BCAS3: variants seen among roughly 807,000 people sequenced by gnomAD.
BCAS3 encodes the protein BCAS3 microtubule associated cell migration factor.
Under a neutral mutation model 116.1 loss-of-function variants are expected in BCAS3, and 53 were observed. The observed-to-expected ratio is 0.46, with a 90% CI of 0.37 to 0.57. BCAS3 has a LOEUF of 0.57. BCAS3 is among the 20% of genes least tolerant of loss of function. The pLI, the probability that BCAS3 is intolerant of heterozygous loss-of-function variation, is 0.00. For missense variants in BCAS3, 917 were observed against 1,165.4 expected (o/e 0.79, Z 3.10); for synonymous variants, 391 against 408.2 (o/e 0.96, Z 0.51).
chr17:60,683,429 T>C (rs1006688076), intron 2 of BCAS3, among the ~76,000 whole-genome samples: 1 of 150,294 alleles, frequency 6.7e-6, no homozygotes, highest in Non-Finnish European at 1.5e-5. Context: ...AAAGCCCATT[T>C]ACATTTAATA....
At chr17:60,902,156 T>C (rs918029692) in intron 10 of BCAS3, among the ~76,000 whole-genome samples, 21 of 152,228 alleles carry the variant, frequency 1.4e-4, no homozygotes, top group African/African-American at 5.1e-4. Context: ...ACTGACACAA[T>C]TGAAAATATA....
At chr17:60,830,241 A>G (rs2144720048) in intron 7 of BCAS3, among the ~76,000 whole-genome samples, 1 of 152,292 alleles carries the variant, frequency 6.6e-6, no homozygotes, top group African/African-American at 2.4e-5. Context: ...TGCCCACCTC[A>G]GCCTCCCAAA....
At chr17:60,695,095 T>C (rs1446787247) in intron 4 of BCAS3, among the ~76,000 whole-genome samples, 1 of 151,984 alleles carries the variant, frequency 6.6e-6, no homozygotes, top group Non-Finnish European at 1.5e-5. Flanking sequence ...GGCTGAATCA[T>C]GCTTCATTGT....
intron 14 of BCAS3, among the ~76,000 whole-genome samples, chr17:60,970,343 A>G (rs1213007622): frequency 1.3e-5 from 2 of 152,168 alleles, no homozygotes; most frequent in Admixed American, 6.5e-5. Flanking sequence ...GCACAAGAAA[A>G]AGAGGGATAA....
rs1442126408 is a variant in BCAS3, at chr17:60,888,960, A to C, written c.662-735A>C. On this transcript the variant is annotated intron_variant, in intron 9 of 23. Transcript: ENST00000407086. The stretch of plus-strand genomic sequence containing the variant: ...AGTGCTTTTGAGCATAGCAATAGGA[A>C]CATAGTCAGAATGACTAGGGAGTGG... Among the ~76,000 whole-genome samples the C allele has an allele frequency of 3.9e-5, 6 of 152,208 alleles. No individual in the cohort carries two copies. In the East Asian group the frequency reaches 1.2e-3, roughly 29 times the overall value.
At chr17:60,805,860 T>G (rs1392191867) in intron 6 of BCAS3, among the ~76,000 whole-genome samples, 2 of 147,450 alleles carry the variant, frequency 1.4e-5, no homozygotes, top group African/African-American at 5.0e-5. Flanking sequence ...AGCCTAAGTT[T>G]TTTTTTTTTT....
rs1016610824 is a variant in BCAS3, at chr17:61,282,124, G to C, written c.2426-86203G>C. On this transcript the variant is annotated intron_variant, in intron 22 of 23. Transcript: ENST00000407086. The surrounding 1 kb of genome is among the most constrained non-coding windows in gnomAD (Gnocchi z 5.9). ...AAGATCAAGTGAATTTAATATATGA[G>C]AAAGTCCTTTTTAAAGTATAAAGAA... is the stretch of plus-strand genomic sequence containing the variant. Among the ~76,000 whole-genome samples, 2 of 152,146 alleles carry C rather than the reference G, an allele frequency of 1.3e-5. No individual in the cohort carries two copies. Among genetic ancestry groups the C allele is most frequent in the African/African-American group, 4.8e-5 (2 of 41,430 alleles).
At chr17:61,384,661 C>A (rs2059761723) in intron 23 of BCAS3, 1 of 152,302 alleles carries the variant, frequency 6.6e-6, no homozygotes, top group Non-Finnish European at 1.5e-5. Flanking sequence ...TACATCCAAA[C>A]CAGCGACAGA....
chr17:60,852,582 T>C (rs780403097), intron 7 of BCAS3, among the ~76,000 whole-genome samples: 9 of 152,162 alleles, frequency 5.9e-5, no homozygotes, highest in Admixed American at 1.3e-4. Context: ...ATGTTAAGAA[T>C]TGTGTACAAA....
intron 22 of BCAS3, among the ~76,000 whole-genome samples, chr17:61,308,176 GTGT>G (rs1602570303): frequency 1.4e-5 from 2 of 144,032 alleles, no homozygotes; most frequent in African/African-American, 2.9e-5. Flanking sequence ...GGGACTCCTG[GTGT>G]TGTTGTTTAT....
Position 61,013,872 on chromosome 17 carries a change from C to T in BCAS3, c.1487-1879C>T, listed in dbSNP as rs987099477. On this transcript the variant is annotated intron_variant, in intron 15 of 23. Coordinates refer to ENST00000407086, the MANE Select transcript of BCAS3 (RefSeq NM_017679.5). The surrounding 1 kb of genome is among the most constrained non-coding windows in gnomAD (Gnocchi z 4.4). The stretch of plus-strand genomic sequence containing the variant: ...TTCTGAAGCCACTGTCATCTTGTTA[C>T]GATTTTTTAGAAAGGCACTTTTGAC... Among the ~76,000 whole-genome samples the T allele has an allele frequency of 1.3e-5, 2 of 152,066 alleles. No individual in the cohort carries two copies. The highest frequency in any genetic ancestry group is 3.2e-3 in the Middle Eastern group (1 of 316).
chr17:60,721,797 G>C (rs1486254803), intron 5 of BCAS3, among the ~76,000 whole-genome samples: 1 of 152,052 alleles, frequency 6.6e-6, no homozygotes, highest in Non-Finnish European at 1.5e-5. Flanking sequence ...CCTGGATTAA[G>C]ATCTAGAATA....
At position 61,015,921 on chromosome 17, in the gene BCAS3, G is replaced by A. The variant is rs758918227; in HGVS notation, c.1637+20G>A. The A allele has an allele frequency of 2.5e-6, 4 of 1,604,316 alleles. No homozygotes were observed. In the East Asian group the frequency reaches 8.9e-5, roughly 36 times the overall value. ...AACCGGGTAAGGCCTTAGACTTGAT[G>A]CTTTTTTAACAGCTGTTTTATAGGG... On this transcript the variant is annotated intron_variant, in intron 16 of 23. Transcript: ENST00000407086.
In BCAS3 at chr17:61,106,037, C is replaced by T. The variant is rs1430786286; in HGVS notation, c.2425+21473C>T. Among the ~76,000 whole-genome samples, 6 of 152,088 alleles carry T rather than the reference C, an allele frequency of 3.9e-5. No homozygotes were observed. Among genetic ancestry groups the T allele is most frequent in the African/African-American group, 4.8e-5 (2 of 41,396 alleles). On this transcript the variant is annotated intron_variant, in intron 22 of 23. Coordinates refer to ENST00000407086, the MANE Select transcript of BCAS3 (RefSeq NM_017679.5). This position sits in a 1 kb window ranked among gnomAD's most constrained non-coding sequence, Gnocchi z 4.2. ...ACCTATCCTTTGGTCACTTGGCAGC[C>T]GTCTTGGTTGCAGTATTACAGTGCT...
rs750220253 is a variant in BCAS3, at chr17:60,677,863, T to G, written c.-57T>G. 4.6e-5 allele frequency: 7 copies of G among 153,190 alleles called. No individual in the cohort carries two copies. The highest frequency in any genetic ancestry group is 1.0e-4 in the Non-Finnish European group (7 of 68,576). 9.5% of individuals were successfully genotyped at this position (153,190 alleles called of 1,614,324 possible). ...GCTGCCGTCAATCACTCGGGGAGACTCCAAACAGTGAGCCTAGAGCTGGAG... is the reference window on the plus strand; with the variant it reads ...GCTGCCGTCAATCACTCGGGGAGACGCCAAACAGTGAGCCTAGAGCTGGAG... On this transcript the variant is annotated 5_prime_UTR_variant, in exon 1 of 24. Coordinates refer to ENST00000407086, the MANE Select transcript of BCAS3 (RefSeq NM_017679.5).
intron 22 of BCAS3, among the ~76,000 whole-genome samples, chr17:61,201,819 C>T (rs573484230): frequency 4.7e-4 from 69 of 146,526 alleles, no homozygotes; most frequent in African/African-American, 1.6e-3. Context: ...AGTGCAGTGG[C>T]GCAATCTCGG....
intron 23 of BCAS3, chr17:61,384,258 AG>A (rs2143641260): frequency 6.6e-6 from 1 of 152,440 alleles, no homozygotes; most frequent in Admixed American, 6.5e-5. Context: ...AGCTGGAGCT[AG>A]GAGAGACATT....
chr17:61,216,374 T>C (rs978129169), intron 22 of BCAS3, among the ~76,000 whole-genome samples: 10 of 152,174 alleles, frequency 6.6e-5, no homozygotes, highest in Non-Finnish European at 1.5e-4. Flanking sequence ...GGGAAGCTTT[T>C]TTCTTTCAGC....
At chr17:61,291,865 A>G (rs943296009) in intron 22 of BCAS3, among the ~76,000 whole-genome samples, 2 of 152,158 alleles carry the variant, frequency 1.3e-5, no homozygotes, top group Admixed American at 6.5e-5. Context: ...GCTGTGAGTC[A>G]GTCCAGAGCA....
Sources: allele counts gnomAD v4.1 joint callset (sites outside exome capture counted in the v4.1 genomes callset), GRCh38; gene constraint gnomAD v4.1.1; non-coding constraint Gnocchi (gnomAD v3.1); transcripts MANE v1.5; gene names NCBI Gene and HGNC (gene_info 2026-07-23, HGNC 2026-07-21).